NTRK2: variants seen among roughly 807,000 people sequenced by gnomAD.
NTRK2 encodes neurotrophic receptor tyrosine kinase 2, also known as BDNF/NT-3 growth factors receptor.
A neutral mutation model predicts 94.5 loss-of-function variants in NTRK2; 13 were observed. The ratio of observed to expected loss-of-function variants is 0.14; its 90% CI spans 0.09 to 0.22. The LOEUF is 0.22. Among genes scored for constraint, NTRK2 ranks in the 10% least tolerant of loss-of-function variants. The probability of loss-of-function intolerance (pLI) is 1.00; values close to 1 mark genes in which losing one functional copy is unlikely to be tolerated. For missense variants in NTRK2, 639 were observed against 1,071.2 expected, an observed-to-expected ratio of 0.60 and a Z score of 5.63; for synonymous variants, 372 against 407.4, an observed-to-expected ratio of 0.91 and a Z score of 1.05.
Position 84,876,250 on chromosome 9 carries a change from G to A in NTRK2, c.1633+8819G>A, listed in dbSNP as rs2076063189. 2.9e-6 allele frequency: 3 copies of A among 1,042,824 alleles called. No individual in the cohort carries two copies. In the South Asian group the frequency reaches 1.4e-4, roughly 48 times the overall value. 64.6% of individuals were successfully genotyped at this position (1,042,824 alleles called of 1,614,324 possible). A position where few individuals can be genotyped will look rare whatever the true frequency, so the allele number is the denominator to read the frequency against. On this transcript the variant is annotated intron_variant, in intron 14 of 18. Transcript: ENST00000277120. ...ACAGGATAAAGCCCTATAGTGTGCA[G>A]TTATATCAAAACAGCTAGTCTCCAC...
intron 14 of NTRK2, among the ~76,000 whole-genome samples, chr9:84,886,481 G>A (rs2076418835): frequency 6.6e-6 from 1 of 152,182 alleles, no homozygotes. Flanking sequence ...TATCACCGAA[G>A]CTCAGGGCCA....
intron 12 of NTRK2, among the ~76,000 whole-genome samples, chr9:84,823,275 T>C (rs1466562755): frequency 2.0e-5 from 3 of 152,226 alleles, no homozygotes; most frequent in Non-Finnish European, 4.4e-5. Flanking sequence ...TTCATTTCAT[T>C]TTGTGTTCCC....
chr9:84,962,739 C>T (rs998209854), intron 17 of NTRK2, among the ~76,000 whole-genome samples: 1 of 152,152 alleles, frequency 6.6e-6, no homozygotes, highest in Admixed American at 6.5e-5. Context: ...ATATTCTATG[C>T]TTTTGCCTCA....
rs1328335290 is a variant in NTRK2 at position 84,964,831 on chromosome 9, G to T, written c.2172+9314G>T. ...TCCATCTTGCCTAAAAGCAGAAGAT[G>T]GTTATCATTTCTCTTGATAATGAAT... On this transcript the variant is annotated intron_variant, in intron 17 of 18. Transcript: ENST00000277120. 2.0e-5 allele frequency among the ~76,000 whole-genome samples: 3 copies of T among 152,236 alleles called. No homozygotes were observed. In the East Asian group the frequency reaches 5.8e-4, roughly 29 times the overall value.
intron 13 of NTRK2, among the ~76,000 whole-genome samples, chr9:84,864,118 T>C (rs1341799346): frequency 6.6e-6 from 1 of 152,186 alleles, no homozygotes; most frequent in East Asian, 1.9e-4. Context: ...AGTTGTCTTC[T>C]AGGTATCAGC....
chr9:84,734,552 T>G (rs1345189927), intron 9 of NTRK2, among the ~76,000 whole-genome samples: 3 of 152,222 alleles, frequency 2.0e-5, no homozygotes, highest in Non-Finnish European at 2.9e-5. Context: ...GTAGCTCCCA[T>G]GATTTCCACG....
chr9:84,746,964 C>G (rs756694005), intron 11 of NTRK2, among the ~76,000 whole-genome samples: 2 of 152,150 alleles, frequency 1.3e-5, no homozygotes, highest in African/African-American at 4.8e-5. Flanking sequence ...CTTCTTAAGC[C>G]TTCAGAATAC....
intron 14 of NTRK2, among the ~76,000 whole-genome samples, chr9:84,919,621 G>A (rs2077500030): frequency 6.6e-6 from 1 of 152,136 alleles, no homozygotes; most frequent in African/African-American, 2.4e-5. Flanking sequence ...TTGCATGTGA[G>A]AGTACTTTAT....
chr9:84,724,165 C>G, intron 7 of NTRK2, 59 bp from the exon 8 acceptor site: 2 of 1,592,094 alleles, frequency 1.3e-6, no homozygotes, highest in African/African-American at 1.3e-5. Context: ...AACCCCAAAT[C>G]TTGTCACTTT....
chr9:84,988,324 A>T (rs918770562), intron 17 of NTRK2, among the ~76,000 whole-genome samples: 1 of 152,186 alleles, frequency 6.6e-6, no homozygotes, highest in Non-Finnish European at 1.5e-5. Flanking sequence ...AAGTCCTTGA[A>T]TGTTTTTCTA....
intron 12 of NTRK2, among the ~76,000 whole-genome samples, chr9:84,752,835 T>C (rs1295989183): frequency 6.6e-6 from 1 of 152,192 alleles, no homozygotes; most frequent in Non-Finnish European, 1.5e-5. Flanking sequence ...GCCAGTGTTG[T>C]ATTTTGTGTG....
chr9:84,999,722 T>C (rs1564538023), intron 17 of NTRK2, among the ~76,000 whole-genome samples: 1 of 152,234 alleles, frequency 6.6e-6, no homozygotes, highest in Admixed American at 6.5e-5. Context: ...TAAGCCCTCC[T>C]TGTGTGTCCA....
At chr9:84,947,106 C>G (rs1175977020) in intron 15 of NTRK2, among the ~76,000 whole-genome samples, 2 of 152,148 alleles carry the variant, frequency 1.3e-5, no homozygotes, top group Non-Finnish European at 2.9e-5. Context: ...CAGGCACACA[C>G]CATCAAACCT....
Position 84,996,946 on chromosome 9 carries a change from A to G in NTRK2, c.2173-23260A>G, listed in dbSNP as rs1318366415. On this transcript the variant is annotated intron_variant, in intron 17 of 18. Coordinates refer to ENST00000277120, the MANE Select transcript of NTRK2 (RefSeq NM_006180.6). ...GGCTGTTTCATGGCTGTTTCAGTGC[A>G]GTATGTGCACTGTGGCTGTTTCAAT... is the stretch of plus-strand genomic sequence containing the variant. Among the ~76,000 whole-genome samples, 4 of 152,136 alleles carry G rather than the reference A, an allele frequency of 2.6e-5. No individual in the cohort carries two copies. In the East Asian group the frequency reaches 5.8e-4, roughly 22 times the overall value.
intron 14 of NTRK2, among the ~76,000 whole-genome samples, chr9:84,925,108 T>C (rs2077709829): frequency 6.6e-6 from 1 of 152,026 alleles, no homozygotes; most frequent in Non-Finnish European, 1.5e-5. Flanking sequence ...CTGTTCAGAA[T>C]TTTTCTGTGC....
intron 12 of NTRK2, among the ~76,000 whole-genome samples, chr9:84,817,925 T>A (rs1334893643): frequency 6.6e-6 from 1 of 152,206 alleles, no homozygotes; most frequent in Non-Finnish European, 1.5e-5. Flanking sequence ...TTTTTTCCTA[T>A]CATTAAATCA....
At position 84,948,623 on chromosome 9, in the gene NTRK2, C is replaced by T. The variant is rs1265211445; in HGVS notation, c.1926C>T (p.Asn642=). The change falls in exon 16 of 19, where the codon AAC becomes AAT. Residue 642 remains asparagine, a synonymous_variant. Coordinates refer to ENST00000277120, the MANE Select transcript of NTRK2 (RefSeq NM_006180.6). ...AGTACATGAAGCATGGGGACCTCAA[C>T]AAGTTCCTCAGGTACAGTGAGGCGG... ...VFEYMKHGDL[N]KFLRAHGPDA... is the part of the protein sequence containing the mutation. 1 of 1,614,134 alleles carries T rather than the reference C, an allele frequency of 6.2e-7. No homozygotes were observed. Among genetic ancestry groups the T allele is most frequent in the Non-Finnish European group, 8.5e-7 (1 of 1,180,022 alleles).
Position 84,689,654 on chromosome 9 carries a change from C to T in NTRK2, c.213-12505C>T, listed in dbSNP as rs149625264. Among the ~76,000 whole-genome samples the T allele has an allele frequency of 2.5e-3, 384 of 152,170 alleles. 1 individual carries two copies. Among genetic ancestry groups the T allele is most frequent in the Non-Finnish European group, 3.9e-3 (265 of 68,016 alleles). Reference sequence around the variant, plus strand: ...ATGACATAAAGTTTGCCATTTTAACCATTTTTAAGTTCATATTTCAGTGAT... The same window carrying T: ...ATGACATAAAGTTTGCCATTTTAACTATTTTTAAGTTCATATTTCAGTGAT... On this transcript the variant is annotated intron_variant, in intron 2 of 18. Transcript: ENST00000277120.
intron 6 of NTRK2, among the ~76,000 whole-genome samples, chr9:84,711,396 G>A (rs1393366110): frequency 6.6e-6 from 1 of 152,258 alleles, no homozygotes; most frequent in East Asian, 1.9e-4. Context: ...ATTTAAAAGG[G>A]CACCGAATGG....
Sources: allele counts gnomAD v4.1 joint callset (sites outside exome capture counted in the v4.1 genomes callset), GRCh38; gene constraint gnomAD v4.1.1; transcripts MANE v1.5; gene names NCBI Gene and HGNC (gene_info 2026-07-23, HGNC 2026-07-21).